Variants in KREMEN1 observed in about 807,000 individuals in gnomAD.
The protein encoded by KREMEN1 is kringle containing transmembrane protein 1, also known as kremen protein 1.
A neutral mutation model predicts 46.5 loss-of-function variants in KREMEN1; 30 were observed. The observed-to-expected ratio is 0.65, with a 90% CI of 0.48 to 0.88. The LOEUF (loss-of-function observed/expected upper bound fraction) is 0.88, where lower values mean the gene tolerates loss of function less well. KREMEN1 is among the 40% of genes least tolerant of loss of function. The pLI is 0.00. For synonymous variants in KREMEN1, 214 were observed against 230.6 expected (o/e 0.93, Z 0.65); for missense variants, 533 against 596.9 (o/e 0.89, Z 1.11).
At chr22:29,166,994 C>A (rs1219473621) in intron 9 of KREMEN1, 1 of 1,395,360 alleles carries the variant, frequency 7.2e-7, no homozygotes. Flanking sequence ...TCCCTCCGTG[C>A]CTAGGGCTGT....
chr22:29,094,512 GT>G lies in KREMEN1; in HGVS notation c.260+93del. The G allele has an allele frequency of 3.5e-6, 4 of 1,129,772 alleles. No individual in the cohort carries two copies. In the Middle Eastern group the frequency reaches 9.2e-4, roughly 260 times the overall value. The allele number at this position is 1,129,772 out of a possible 1,614,324, so 70.0% of individuals were successfully genotyped here. ...TCATCCCAGCTCACAACTAGGGGAA[GT>G]CTTTTGACCAACTCAAGAGACTTAT... On this transcript the variant is annotated intron_variant, in intron 2 of 8. Coordinates refer to ENST00000400335, the MANE Select transcript of KREMEN1 (RefSeq NM_001039570.3).
At chr22:29,091,765 AT>A (rs2037810300) in intron 1 of KREMEN1, among the ~76,000 whole-genome samples, 1 of 152,186 alleles carries the variant, frequency 6.6e-6, no homozygotes, top group South Asian at 2.1e-4. Flanking sequence ...CAGATCACAT[AT>A]ATTTCTTGTG....
intron 2 of KREMEN1, among the ~76,000 whole-genome samples, chr22:29,096,986 A>G (rs1056873533): frequency 6.6e-6 from 1 of 152,246 alleles, no homozygotes; most frequent in Non-Finnish European, 1.5e-5. Context: ...TCTGGGCTCA[A>G]AGTAACTGGC....
At position 29,130,644 on chromosome 22, in the gene KREMEN1, T is replaced by C. The variant is rs917191491; in HGVS notation, c.631+5228T>C. On this transcript the variant is annotated intron_variant, in intron 5 of 8. Transcript: ENST00000400335. The stretch of plus-strand genomic sequence containing the variant: ...GCCCATTATCATTCCTGTCTAGAAG[T>C]GGAGCACTCAGCTGGGGTTCCGGGA... Among the ~76,000 whole-genome samples, 4 of 152,300 alleles carry C rather than the reference T, an allele frequency of 2.6e-5. No homozygotes were observed. In the East Asian group the frequency reaches 7.7e-4, roughly 29 times the overall value.
chr22:29,077,665 G>A (rs188471108), intron 1 of KREMEN1, among the ~76,000 whole-genome samples: 1 of 152,194 alleles, frequency 6.6e-6, no homozygotes, highest in Non-Finnish European at 1.5e-5. Flanking sequence ...TAGCTTGTGG[G>A]CCATACAGAA....
At chr22:29,126,828 T>C (rs1339348097) in intron 5 of KREMEN1, among the ~76,000 whole-genome samples, 3 of 152,222 alleles carry the variant, frequency 2.0e-5, no homozygotes, top group Non-Finnish European at 4.4e-5. Flanking sequence ...AGTGTGCCCA[T>C]TGGAGACTGC....
chr22:29,088,899 C>G (rs141512641), intron 1 of KREMEN1, among the ~76,000 whole-genome samples: 6 of 152,210 alleles, frequency 3.9e-5, no homozygotes, highest in Admixed American at 2.0e-4. Context: ...GGCTCTAGAG[C>G]CCCTAACATA....
chr22:29,127,459 C>T (rs1335012255), intron 5 of KREMEN1, among the ~76,000 whole-genome samples: 1 of 152,112 alleles, frequency 6.6e-6, no homozygotes, highest in Non-Finnish European at 1.5e-5. Flanking sequence ...GGAAAACAGT[C>T]TGGCCAGCCT....
At chr22:29,162,641 G>A (rs2039021632) in intron 9 of KREMEN1, among the ~76,000 whole-genome samples, 1 of 152,080 alleles carries the variant, frequency 6.6e-6, no homozygotes, top group South Asian at 2.1e-4. Context: ...GAACCCTGGA[G>A]GTGGAGGCTG....
intron 2 of KREMEN1, among the ~76,000 whole-genome samples, chr22:29,094,780 C>T (rs1467231932): frequency 4.6e-5 from 7 of 152,148 alleles, no homozygotes; most frequent in Non-Finnish European, 5.9e-5. Flanking sequence ...CCCGCCAACA[C>T]GCCCGGCTAA....
intron 3 of KREMEN1, among the ~76,000 whole-genome samples, chr22:29,115,623 TC>T (rs2038226325): frequency 1.3e-5 from 2 of 152,088 alleles, no homozygotes; most frequent in Non-Finnish European, 2.9e-5. Flanking sequence ...TCATAGTTAA[TC>T]AGGTAGAGAG....
intron 3 of KREMEN1, among the ~76,000 whole-genome samples, chr22:29,119,533 A>G (rs2038296987): frequency 6.6e-6 from 1 of 152,228 alleles, no homozygotes; most frequent in African/African-American, 2.4e-5. Context: ...GGAGCCTACC[A>G]AGAGTTGCCT....
chr22:29,100,650 T>C (rs2037962504), intron 3 of KREMEN1, among the ~76,000 whole-genome samples: 1 of 152,234 alleles, frequency 6.6e-6, no homozygotes, highest in African/African-American at 2.4e-5. Context: ...TACTATACTT[T>C]TTACTGTTAT....
chr22:29,132,163 C>T lies in KREMEN1; in HGVS notation c.632-5179C>T, dbSNP rs116518292. 6.9e-3 allele frequency among the ~76,000 whole-genome samples: 1,052 copies of T among 152,166 alleles called. 14 individuals are homozygous for T. Among genetic ancestry groups the T allele is most frequent in the African/African-American group, 0.024 (1,001 of 41,482 alleles). The stretch of plus-strand genomic sequence containing the variant: ...CTGGGATTACAGGTGTGAGCCACCA[C>T]GACCGGCCAGAATAATGCTTTATGA... On this transcript the variant is annotated intron_variant, in intron 5 of 8. Coordinates refer to ENST00000400335, the MANE Select transcript of KREMEN1 (RefSeq NM_001039570.3).
chr22:29,107,049 C>A (rs1255082416), intron 3 of KREMEN1, among the ~76,000 whole-genome samples: 1 of 152,140 alleles, frequency 6.6e-6, no homozygotes, highest in Non-Finnish European at 1.5e-5. Flanking sequence ...TGTCCCCAGA[C>A]CAGCTGTTCT....
intron 1 of KREMEN1, among the ~76,000 whole-genome samples, chr22:29,084,812 G>A (rs2037706109): frequency 1.3e-5 from 2 of 152,128 alleles, no homozygotes; most frequent in Admixed American, 6.6e-5. Flanking sequence ...ATAAACTGGA[G>A]ATTCAAATAG....
chr22:29,152,991 A>T (rs1195685429), intron 9 of KREMEN1, among the ~76,000 whole-genome samples: 1 of 152,160 alleles, frequency 6.6e-6, no homozygotes, highest in African/African-American at 2.4e-5. Context: ...TAAACAAGGG[A>T]TGGATTATTC....
At chr22:29,100,980 G>T (rs778157272) in intron 3 of KREMEN1, among the ~76,000 whole-genome samples, 1 of 152,092 alleles carries the variant, frequency 6.6e-6, no homozygotes, top group Non-Finnish European at 1.5e-5. Flanking sequence ...GGCTGGGCAC[G>T]TTGGCTCACG....
intron 2 of KREMEN1, among the ~76,000 whole-genome samples, chr22:29,096,969 G>T (rs1351682561): frequency 6.6e-6 from 1 of 152,266 alleles, no homozygotes; most frequent in Non-Finnish European, 1.5e-5. Context: ...TGATGGGAAT[G>T]CACTTTTCTG....
Sources: gnomAD v4.1 joint callset for allele counts (sites outside exome capture counted in the v4.1 genomes callset) on GRCh38, gnomAD v4.1.1 for gene constraint, MANE v1.5 for transcripts, NCBI Gene and HGNC (gene_info 2026-07-23, HGNC 2026-07-21) for gene names.